NEK1: variants seen among roughly 807,000 people sequenced by gnomAD.
NEK1 encodes the protein serine/threonine-protein kinase Nek1.
In NEK1, 137 loss-of-function variants were observed where a neutral mutation model predicts 182.1. That is an observed-to-expected ratio of 0.75 (90% CI 0.65 to 0.87). The LOEUF (loss-of-function observed/expected upper bound fraction) is 0.87. Among genes scored for constraint, NEK1 ranks in the 40% least tolerant of loss-of-function variants. The pLI is 0.00. For synonymous variants in NEK1, 513 were observed against 492.2 expected, an observed-to-expected ratio of 1.04 and a Z score of -0.56; for missense variants, 1,391 against 1,494.4, an observed-to-expected ratio of 0.93 and a Z score of 1.14.
Position 169,419,610 on chromosome 4 carries a change from G to T in NEK1, c.3222+4943C>A, listed in dbSNP as rs75031652. Among the ~76,000 whole-genome samples the T allele has an allele frequency of 4.4e-4, 67 of 152,318 alleles. 1 individual carries two copies. In the East Asian group the frequency reaches 0.012, roughly 28 times the overall value. On this transcript the variant is annotated intron_variant, in intron 31 of 35. Coordinates refer to ENST00000507142, the MANE Select transcript of NEK1 (RefSeq NM_001199397.3). ...CAATACCACGAAGGACAGGCAGGAC[G>T]GGAATGGAAGTACAGTCATGCTTTG...
intron 21 of NEK1, 47 bp downstream of exon 21, chr4:169,508,201 A>C: frequency 6.8e-7 from 1 of 1,471,560 alleles, no homozygotes; most frequent in Non-Finnish European, 9.2e-7. Flanking sequence ...ATGTTAACCT[A>C]CTATGACATC....
At position 169,556,086 on chromosome 4, in the gene NEK1, G is replaced by A; in HGVS notation, c.1276C>T (p.Leu426=). 2 of 1,612,086 alleles carry A rather than the reference G, an allele frequency of 1.2e-6. No individual in the cohort carries two copies. Among genetic ancestry groups the A allele is most frequent in the Non-Finnish European group, 1.7e-6 (2 of 1,179,052 alleles). The change falls in exon 17 of 36, where the codon CTG becomes TTG. Residue 426 remains leucine, a synonymous_variant. Coordinates refer to ENST00000507142, the MANE Select transcript of NEK1 (RefSeq NM_001199397.3). ...GGAGCTATAGTCCCTCCACTGCCCA[G>A]AAAAGGAGCCTAGGGATTAAACAAA... The part of the protein sequence containing the change: ...GGSGEVKAPF[L]GSGGTIAPSS...
At chr4:169,535,836 C>T (rs771722242) in intron 19 of NEK1, among the ~76,000 whole-genome samples, 6 of 147,896 alleles carry the variant, frequency 4.1e-5, no homozygotes, top group East Asian at 2.0e-4. Context: ...GCCGAGACTG[C>T]GCCACTGCAT....
chr4:169,416,490 G>C (rs918696278), intron 31 of NEK1, among the ~76,000 whole-genome samples: 1 of 152,194 alleles, frequency 6.6e-6, no homozygotes, highest in Non-Finnish European at 1.5e-5. Flanking sequence ...ACAGCATAAA[G>C]ATATATTAAT....
chr4:169,569,571 A>T lies in NEK1; in HGVS notation c.1020+7357T>A, dbSNP rs145025151. Among the ~76,000 whole-genome samples the T allele has an allele frequency of 1.4e-3, 218 of 150,904 alleles. 1 individual carries two copies. The highest frequency in any genetic ancestry group is 4.8e-3 in the African/African-American group (198 of 40,994). On this transcript the variant is annotated intron_variant, in intron 12 of 35. Coordinates refer to ENST00000507142, the MANE Select transcript of NEK1 (RefSeq NM_001199397.3). ...AAGCTGGACTGTACTGCTGCCATCT[A>T]GGCTCACTGCAACCTCCCTGCCTGA...
chr4:169,421,775 C>T (rs1735525578), intron 31 of NEK1, among the ~76,000 whole-genome samples: 1 of 152,108 alleles, frequency 6.6e-6, no homozygotes, highest in African/African-American at 2.4e-5. Flanking sequence ...TTCTTGAAAG[C>T]AGTGTGAAAA....
intron 22 of NEK1, 63 bp downstream of exon 22, chr4:169,507,652 C>T (rs1346086289): frequency 1.7e-6 from 2 of 1,207,216 alleles, no homozygotes; most frequent in Admixed American, 3.7e-5. Flanking sequence ...AACTTAAGAA[C>T]ACAATTTGCT....
At chr4:169,417,551 A>C (rs1258718801) in intron 31 of NEK1, among the ~76,000 whole-genome samples, 13 of 152,238 alleles carry the variant, frequency 8.5e-5, no homozygotes, top group Admixed American at 8.5e-4. Flanking sequence ...AGAGTAATAA[A>C]GTTGAGTATC....
In NEK1 at chr4:169,579,153, A is replaced by G. The variant is rs1259316348; in HGVS notation, c.868+1689T>C. On this transcript the variant is annotated intron_variant, in intron 11 of 35. Transcript: ENST00000507142. ...TGATTTTAGAGTATTTTTCAGGATC[A>G]TTGACAAGGCTACCTATGGCATGAA... Among the ~76,000 whole-genome samples the G allele has an allele frequency of 2.0e-5, 3 of 152,350 alleles. No homozygotes were observed. The East Asian group carries it at 5.8e-4, about 29-fold the overall frequency.
intron 26 of NEK1, among the ~76,000 whole-genome samples, chr4:169,471,013 T>C (rs181877076): frequency 5.1e-4 from 77 of 152,206 alleles, no homozygotes; most frequent in Non-Finnish European, 5.9e-5. Context: ...ATTCTAGTGA[T>C]AGTTCCTGTA....
intron 28 of NEK1, among the ~76,000 whole-genome samples, chr4:169,436,410 G>A (rs1469589591): frequency 6.6e-6 from 1 of 152,188 alleles, no homozygotes; most frequent in African/African-American, 2.4e-5. Flanking sequence ...GTTACTGGAG[G>A]CTGAAGAAAA....
At chr4:169,575,218 G>C (rs1157133078) in intron 12 of NEK1, among the ~76,000 whole-genome samples, 1 of 152,210 alleles carries the variant, frequency 6.6e-6, no homozygotes, top group Non-Finnish European at 1.5e-5. Context: ...TTTAAAGATA[G>C]ATAAAACCAG....
intron 33 of NEK1, 59 bp downstream of exon 33, chr4:169,401,593 C>A: frequency 6.8e-7 from 1 of 1,468,482 alleles, no homozygotes; most frequent in South Asian, 1.2e-5. Flanking sequence ...GAAAAATACA[C>A]TCTACTTGAA....
At chr4:169,514,554 T>C (rs1044961154) in intron 19 of NEK1, among the ~76,000 whole-genome samples, 62 of 152,332 alleles carry the variant, frequency 4.1e-4, no homozygotes, top group East Asian at 3.9e-4. Context: ...AAAACAGTTA[T>C]AGGAAAATTT....
chr4:169,611,373 A>G (rs1772300733), intron 2 of NEK1, among the ~76,000 whole-genome samples: 1 of 152,244 alleles, frequency 6.6e-6, no homozygotes, highest in African/African-American at 2.4e-5. Flanking sequence ...AGACAAATGT[A>G]AACTAGAAAC....
intron 18 of NEK1, among the ~76,000 whole-genome samples, chr4:169,552,524 A>G (rs548733939): frequency 6.6e-6 from 1 of 152,168 alleles, no homozygotes; most frequent in African/African-American, 2.4e-5. Context: ...TCCGGCCAAC[A>G]TCAGGAACAA....
In NEK1 at chr4:169,497,327, C is replaced by T. The variant is rs560371706; in HGVS notation, c.2007+9710G>A. 2.6e-5 allele frequency among the ~76,000 whole-genome samples: 4 copies of T among 152,192 alleles called. No individual in the cohort carries two copies. In the East Asian group the frequency reaches 5.8e-4, roughly 22 times the overall value. On this transcript the variant is annotated intron_variant, in intron 23 of 35. Coordinates refer to ENST00000507142, the MANE Select transcript of NEK1 (RefSeq NM_001199397.3). ...TTTATTAGTCTTGCTAGCGGTCTAT[C>T]AATTTTGTTGATCTTTTCAAAAAAC...
At chr4:169,522,029 T>G (rs1273955431) in intron 19 of NEK1, among the ~76,000 whole-genome samples, 1 of 152,228 alleles carries the variant, frequency 6.6e-6, no homozygotes, top group Non-Finnish European at 1.5e-5. Flanking sequence ...ATTTTTGTAT[T>G]GTCCTATAAA....
At chr4:169,599,019 A>G in intron 5 of NEK1, 81 bp downstream of exon 5, 1 of 1,026,004 alleles carries the variant, frequency 9.7e-7, no homozygotes, top group Non-Finnish European at 1.5e-6. Context: ...ATTTGTAGTT[A>G]AAAACAAATA....
Sources: allele counts gnomAD v4.1 joint callset (sites outside exome capture counted in the v4.1 genomes callset), GRCh38; gene constraint gnomAD v4.1.1; transcripts MANE v1.5; gene names NCBI Gene and HGNC (gene_info 2026-07-23, HGNC 2026-07-21).